C1QTNF3: variants seen among roughly 807,000 people sequenced by gnomAD.
The protein encoded by C1QTNF3 is complement C1q tumor necrosis factor-related protein 3.
In C1QTNF3, 26 loss-of-function variants were observed where a neutral mutation model predicts 32.6. That is an observed-to-expected ratio of 0.80 (90% CI 0.58 to 1.11). C1QTNF3 has a LOEUF of 1.11. Ranked by LOEUF, C1QTNF3 falls within the 50% of genes least tolerant of loss-of-function variation. The pLI, the probability that C1QTNF3 is intolerant of heterozygous loss-of-function variation, is 0.00. For missense variants in C1QTNF3, 362 were observed against 398.2 expected, an observed-to-expected ratio of 0.91 and a Z score of 0.77; for synonymous variants, 155 against 146.0, an observed-to-expected ratio of 1.06 and a Z score of -0.44.
At chr5:34,044,521 C>T (rs1754951365), upstream of C1QTNF3, among the ~76,000 whole-genome samples, 1 of 152,092 alleles carries the variant, frequency 6.6e-6, no homozygotes, top group Admixed American at 6.5e-5. Flanking sequence ...TTGACAGCTG[C>T]CCCCATTGCT....
the C1QTNF3 span, among the ~76,000 whole-genome samples, chr5:34,059,934 C>A: frequency 6.6e-6 from 1 of 152,124 alleles, no homozygotes; most frequent in South Asian, 2.1e-4. Flanking sequence ...GGGCTCAGGT[C>A]CTGCTGTCTC....
At chr5:34,095,355 G>C in the C1QTNF3 span, among the ~76,000 whole-genome samples, 1 of 149,764 alleles carries the variant, frequency 6.7e-6, no homozygotes, top group Admixed American at 6.7e-5. Flanking sequence ...TTATATCAAA[G>C]AGTCATATGG....
the C1QTNF3 span, among the ~76,000 whole-genome samples, chr5:34,130,056 A>C: frequency 1.3e-5 from 2 of 151,922 alleles, no homozygotes; most frequent in East Asian, 3.9e-4. Context: ...CTGGGAGTTC[A>C]TATGTTTGGA....
chr5:34,203,393 T>C, the C1QTNF3 span, among the ~76,000 whole-genome samples: 12 of 152,194 alleles, frequency 7.9e-5, no homozygotes, highest in Non-Finnish European at 1.6e-4. Flanking sequence ...AATATATAGA[T>C]TGATAGATAT....
the C1QTNF3 span, among the ~76,000 whole-genome samples, chr5:34,074,943 T>G: frequency 7.2e-4 from 110 of 151,926 alleles, 2 homozygotes; most frequent in African/African-American, 2.6e-3. Flanking sequence ...TATTTGAAAG[T>G]GTATATTTGG....
chr5:34,159,599 C>T, the C1QTNF3 span, among the ~76,000 whole-genome samples: 1 of 151,660 alleles, frequency 6.6e-6, no homozygotes, highest in Non-Finnish European at 1.5e-5. Context: ...AATTAAAATC[C>T]ACTGATGAAA....
At chr5:34,115,655 C>T in the C1QTNF3 span, among the ~76,000 whole-genome samples, 20 of 150,748 alleles carry the variant, frequency 1.3e-4, no homozygotes, top group African/African-American at 4.1e-4. Flanking sequence ...GGCGTGAACC[C>T]GGGAGGCGAA....
the C1QTNF3 span, among the ~76,000 whole-genome samples, chr5:34,229,594 T>C: frequency 1.3e-5 from 2 of 152,160 alleles, no homozygotes; most frequent in African/African-American, 4.8e-5. Context: ...GAGACTATCA[T>C]AGATTTTAGA....
the C1QTNF3 span, chr5:34,218,163 T>C: frequency 6.6e-6 from 1 of 152,498 alleles, no homozygotes; most frequent in African/African-American, 2.4e-5. Context: ...ATGTATTTGA[T>C]ATATCGTTTA....
the C1QTNF3 span, among the ~76,000 whole-genome samples, chr5:34,081,417 C>G: frequency 6.6e-6 from 1 of 151,662 alleles, no homozygotes; most frequent in Non-Finnish European, 1.5e-5. Flanking sequence ...TTCTAAATGA[C>G]ATTTTTCCTT....
chr5:34,104,983 AAG>A, the C1QTNF3 span, among the ~76,000 whole-genome samples: 1 of 148,634 alleles, frequency 6.7e-6, no homozygotes, highest in Admixed American at 6.7e-5. Flanking sequence ...TTATTTCAGC[AAG>A]AGTTTTTTTT....
the C1QTNF3 span, among the ~76,000 whole-genome samples, chr5:34,210,736 TAG>T: frequency 9.9e-5 from 15 of 152,032 alleles, no homozygotes; most frequent in Non-Finnish European, 1.8e-4. Flanking sequence ...AGATTATACA[TAG>T]AGTTTTTATG....
At chr5:34,213,357 T>C in the C1QTNF3 span, among the ~76,000 whole-genome samples, 2 of 152,134 alleles carry the variant, frequency 1.3e-5, no homozygotes, top group Non-Finnish European at 2.9e-5. Flanking sequence ...CTATATTTCA[T>C]TTAATGATTG....
the C1QTNF3 span, among the ~76,000 whole-genome samples, chr5:34,112,497 C>CA: frequency 0.015 from 1,942 of 132,784 alleles, 16 homozygotes; most frequent in South Asian, 0.03. Context: ...CCATCTCTAC[C>CA]AAAAAAAAAA....
At chr5:34,147,497 A>G in the C1QTNF3 span, among the ~76,000 whole-genome samples, 1 of 152,132 alleles carries the variant, frequency 6.6e-6, no homozygotes, top group Non-Finnish European at 1.5e-5. Context: ...AAAAAGAACG[A>G]AATCAGGTCC....
At chr5:34,156,114 A>C in the C1QTNF3 span, among the ~76,000 whole-genome samples, 1 of 152,198 alleles carries the variant, frequency 6.6e-6, no homozygotes, top group Non-Finnish European at 1.5e-5. Flanking sequence ...TGTGCCACCC[A>C]GGCTGGAGTG....
chr5:34,210,207 T>A, the C1QTNF3 span, among the ~76,000 whole-genome samples: 7 of 152,020 alleles, frequency 4.6e-5, no homozygotes, highest in Middle Eastern at 3.2e-3. Flanking sequence ...TTATGATTTG[T>A]TGAATGACTT....
chr5:34,082,201 T>G, the C1QTNF3 span, among the ~76,000 whole-genome samples: 5 of 151,540 alleles, frequency 3.3e-5, no homozygotes, highest in Admixed American at 6.6e-5. Flanking sequence ...TAAATCATGA[T>G]TCAAGGTAAC....
At chr5:34,215,738 C>A in the C1QTNF3 span, among the ~76,000 whole-genome samples, 2 of 152,040 alleles carry the variant, frequency 1.3e-5, no homozygotes, top group African/African-American at 4.8e-5. Context: ...GCTCAAGTGA[C>A]CCTCCCACTT....
Sources: allele counts gnomAD v4.1 joint callset (sites outside exome capture counted in the v4.1 genomes callset), GRCh38; gene constraint gnomAD v4.1.1; transcripts MANE v1.5; gene names NCBI Gene and HGNC (gene_info 2026-07-23, HGNC 2026-07-21).